The following HS3ST4 variants were observed in gnomAD, a reference collection of about 807,000 sequenced individuals.
HS3ST4 encodes the protein heparan sulfate-glucosamine 3-sulfotransferase 4, also known as heparan sulfate glucosamine 3-O-sulfotransferase 4.
In HS3ST4, 17 loss-of-function variants were observed where a neutral mutation model predicts 29.2. The observed-to-expected ratio is 0.58, with a 90% confidence interval of 0.40 to 0.87. The LOEUF (loss-of-function observed/expected upper bound fraction) is 0.87. HS3ST4 is among the 40% of genes least tolerant of loss of function. The pLI is 0.00. For synonymous variants in HS3ST4, 314 were observed against 285.7 expected (o/e 1.10, Z -1.00); for missense variants, 627 against 634.5 (o/e 0.99, Z 0.13).
At chr16:25,776,104 C>T (rs1326904178) in intron 1 of HS3ST4, among the ~76,000 whole-genome samples, 1 of 152,166 alleles carries the variant, frequency 6.6e-6, no homozygotes, top group East Asian at 1.9e-4. Context: ...TGGCTGGTTC[C>T]TCCTCTTGAC....
intron 1 of HS3ST4, among the ~76,000 whole-genome samples, chr16:25,860,225 G>A (rs1002011572): frequency 6.6e-6 from 1 of 152,232 alleles, no homozygotes; most frequent in Non-Finnish European, 1.5e-5. Context: ...TGGTGAGGAT[G>A]TGGAGCAATA....
intron 1 of HS3ST4, among the ~76,000 whole-genome samples, chr16:25,944,664 G>A (rs1050025629): frequency 1.3e-5 from 2 of 152,204 alleles, no homozygotes; most frequent in Admixed American, 6.5e-5. Flanking sequence ...CAGGTGTGGT[G>A]TGGGTGTGGT....
At chr16:25,997,658 G>C (rs1284844390) in intron 1 of HS3ST4, among the ~76,000 whole-genome samples, 5 of 152,144 alleles carry the variant, frequency 3.3e-5, no homozygotes, top group Non-Finnish European at 7.3e-5. Context: ...ATTCCCAATA[G>C]TTCCAACTGA....
At chr16:25,786,743 T>A (rs1201423010) in intron 1 of HS3ST4, among the ~76,000 whole-genome samples, 1 of 152,198 alleles carries the variant, frequency 6.6e-6, no homozygotes, top group Non-Finnish European at 1.5e-5. Context: ...CTAGTGACAG[T>A]TTTAAATTAA....
chr16:25,990,164 G>A (rs1969101980), intron 1 of HS3ST4, among the ~76,000 whole-genome samples: 1 of 152,114 alleles, frequency 6.6e-6, no homozygotes. Flanking sequence ...CCTACTGAAG[G>A]ACATCCTCGT....
At chr16:26,090,955 C>A (rs1898849820) in intron 1 of HS3ST4, among the ~76,000 whole-genome samples, 1 of 152,252 alleles carries the variant, frequency 6.6e-6, no homozygotes, top group African/African-American at 2.4e-5. Flanking sequence ...ATGAAGTGAG[C>A]ACATGAGGCT....
At chr16:26,117,163 G>A (rs866235046) in intron 1 of HS3ST4, among the ~76,000 whole-genome samples, 3 of 152,180 alleles carry the variant, frequency 2.0e-5, no homozygotes, top group African/African-American at 7.2e-5. Flanking sequence ...GGGGACTAAG[G>A]AATTCGAATG....
At chr16:26,079,152 T>C (rs1392109086) in intron 1 of HS3ST4, among the ~76,000 whole-genome samples, 6 of 152,166 alleles carry the variant, frequency 3.9e-5, no homozygotes, top group Admixed American at 6.5e-5. Context: ...CAGGCAGATA[T>C]AGTTTACAAG....
At chr16:25,885,637 A>G (rs1445872585) in intron 1 of HS3ST4, among the ~76,000 whole-genome samples, 1 of 152,116 alleles carries the variant, frequency 6.6e-6, no homozygotes. Flanking sequence ...GGTCACCTTC[A>G]CAAATTTTTG....
chr16:25,943,587 T>C (rs1968595816), intron 1 of HS3ST4, among the ~76,000 whole-genome samples: 1 of 152,206 alleles, frequency 6.6e-6, no homozygotes, highest in South Asian at 2.1e-4. Context: ...GATGATTTCT[T>C]GTAAAAGCAA....
chr16:26,134,158 G>C (rs1177040285), intron 1 of HS3ST4, among the ~76,000 whole-genome samples: 1 of 152,070 alleles, frequency 6.6e-6, no homozygotes, highest in African/African-American at 2.4e-5. Flanking sequence ...TGGAGGAATG[G>C]GAGTGGAGGA....
chr16:25,842,756 G>C (rs907858048), intron 1 of HS3ST4, among the ~76,000 whole-genome samples: 3 of 152,170 alleles, frequency 2.0e-5, no homozygotes, highest in African/African-American at 7.2e-5. Flanking sequence ...TAGACACTCT[G>C]TCTGATCATA....
rs1408275509 is a variant in HS3ST4, at chr16:25,699,575, A to G, written c.734+6424A>G. Among the ~76,000 whole-genome samples the G allele has an allele frequency of 3.3e-5, 5 of 152,204 alleles. 1 individual carries two copies. The highest frequency in any genetic ancestry group is 3.3e-4 in the Admixed American group (5 of 15,284). On this transcript the variant is annotated intron_variant, in intron 1 of 1. Transcript: ENST00000331351. ...TCCAGGCTTGGCTTTGCCACATACT[A>G]GTTTTATTGGACAACAGGTTACTTA... is the stretch of plus-strand genomic sequence containing the variant.
At chr16:26,066,503 G>A (rs759273237) in intron 1 of HS3ST4, among the ~76,000 whole-genome samples, 35 of 152,228 alleles carry the variant, frequency 2.3e-4, no homozygotes, top group Non-Finnish European at 4.3e-4. Context: ...TCTGTTCCCC[G>A]TTCAGTCCCT....
intron 1 of HS3ST4, among the ~76,000 whole-genome samples, chr16:25,824,363 G>C (rs1967195463): frequency 1.3e-5 from 2 of 152,188 alleles, no homozygotes; most frequent in East Asian, 3.8e-4. Flanking sequence ...TGCTAATAAA[G>C]ACATACCCGA....
intron 1 of HS3ST4, among the ~76,000 whole-genome samples, chr16:25,693,854 G>A (rs943743901): frequency 1.3e-5 from 2 of 152,124 alleles, no homozygotes; most frequent in Admixed American, 1.3e-4. Flanking sequence ...CGCCTCCTTC[G>A]CAACAGATTG....
chr16:25,958,156 A>G (rs1276419247), intron 1 of HS3ST4, among the ~76,000 whole-genome samples: 1 of 152,186 alleles, frequency 6.6e-6, no homozygotes, highest in African/African-American at 2.4e-5. Flanking sequence ...AGAGAGAGAA[A>G]TATTGCAGCA....
rs183398666 is a variant in HS3ST4, at chr16:26,119,499, A to C, written c.735-16113A>C. On this transcript the variant is annotated intron_variant, in intron 1 of 1. Transcript: ENST00000331351. Reference sequence around the variant, plus strand: ...GTGCTGATTCCCAGGTTTTAGACTGAGCAATTGAGTGGATGGTGATGCCCT... The same window carrying C: ...GTGCTGATTCCCAGGTTTTAGACTGCGCAATTGAGTGGATGGTGATGCCCT... Among the ~76,000 whole-genome samples, 4 of 152,296 alleles carry C rather than the reference A, an allele frequency of 2.6e-5. No homozygotes were observed. In the East Asian group the frequency reaches 7.7e-4, roughly 29 times the overall value.
intron 1 of HS3ST4, among the ~76,000 whole-genome samples, chr16:25,708,677 C>T (rs1409535054): frequency 6.6e-6 from 1 of 152,154 alleles, no homozygotes; most frequent in African/African-American, 2.4e-5. Context: ...AACCTCTTGA[C>T]CTCAATGAGA....
Sources: allele counts gnomAD v4.1 joint callset (sites outside exome capture counted in the v4.1 genomes callset), GRCh38; gene constraint gnomAD v4.1.1; transcripts MANE v1.5; gene names NCBI Gene and HGNC (gene_info 2026-07-23, HGNC 2026-07-21).